ZNF487: variants seen among roughly 807,000 people sequenced by gnomAD.
ZNF487 encodes zinc finger protein 487.
Under a neutral mutation model 3.0 loss-of-function variants are expected in ZNF487, and 4 were observed. That is an observed-to-expected ratio of 1.35 (90% confidence interval 0.66 to 3.08). The LOEUF is 3.08. Among genes scored for constraint, ZNF487 ranks in the 30% most tolerant of loss-of-function variants. The pLI is 0.01. For synonymous variants in ZNF487, 55 were observed against 34.6 expected (o/e 1.59, Z -2.06); for missense variants, 146 against 98.7 (o/e 1.48, Z -2.03).
chr10:43,490,978 T>TC, the ZNF487 span, among the ~76,000 whole-genome samples: 2 of 71,016 alleles, frequency 2.8e-5, no homozygotes, highest in East Asian at 1.0e-3. Flanking sequence ...CTGGCCTTTT[T>TC]TTTTCTTTTT....
chr10:43,487,136 A>ATT (rs5784601), downstream of ZNF487, among the ~76,000 whole-genome samples: 8,104 of 120,600 alleles, frequency 0.067, 405 homozygotes, highest in East Asian at 0.22. Flanking sequence ...GTCACTAAGA[A>ATT]TTTTTTTTTT....
intron 1 of ZNF487, among the ~76,000 whole-genome samples, chr10:43,468,507 C>G (rs1840784990): frequency 6.6e-6 from 1 of 151,368 alleles, no homozygotes; most frequent in South Asian, 2.1e-4. Flanking sequence ...TGGAGAAACC[C>G]CGTCTCTACT....
At position 43,459,843 on chromosome 10, in the gene ZNF487, C is replaced by G. The variant is rs1840360520; in HGVS notation, c.-93-15878C>G. On this transcript the variant is annotated intron_variant, in intron 1 of 3. Coordinates refer to ENST00000437590, the MANE Select transcript of ZNF487 (RefSeq NM_001355444.3). The stretch of plus-strand genomic sequence containing the variant: ...CTGAGATGGAGTCTCGCTCTGTCGT[C>G]CAGGCTGGAGTGCAGTGGCTCAATC... Among the ~76,000 whole-genome samples the G allele has an allele frequency of 8.0e-5, 12 of 150,614 alleles. No homozygotes were observed. In the Admixed American group the frequency reaches 8.0e-4, roughly 10 times the overall value.
At chr10:43,477,898 A>G (rs938372804) in intron 3 of ZNF487, among the ~76,000 whole-genome samples, 1 of 151,904 alleles carries the variant, frequency 6.6e-6, no homozygotes, top group African/African-American at 2.4e-5. Context: ...TGGAGTGAGC[A>G]GAGATCGCAC....
chr10:43,470,291 T>C (rs2132121230), intron 1 of ZNF487, among the ~76,000 whole-genome samples: 1 of 151,390 alleles, frequency 6.6e-6, no homozygotes, highest in Non-Finnish European at 1.5e-5. Context: ...CGGCTCACTT[T>C]AGCCTTGAGC....
chr10:43,515,919 G>C, the ZNF487 span, among the ~76,000 whole-genome samples: 1 of 152,068 alleles, frequency 6.6e-6, no homozygotes. Flanking sequence ...GGACTACAGG[G>C]CGCACCACCA....
chr10:43,462,300 C>T (rs1022478319), intron 1 of ZNF487, among the ~76,000 whole-genome samples: 1 of 151,996 alleles, frequency 6.6e-6, no homozygotes, highest in African/African-American at 2.4e-5. Flanking sequence ...ACGTGGCTTT[C>T]TAGCCACGTA....
chr10:43,498,114 C>CTTTTTTTTTT, the ZNF487 span, among the ~76,000 whole-genome samples: 9 of 24,616 alleles, frequency 3.7e-4, no homozygotes, highest in Admixed American at 8.2e-4. Flanking sequence ...TTTTTTTTTT[C>CTTTTTTTTTT]TTTTTTTTTT....
downstream of ZNF487, among the ~76,000 whole-genome samples, chr10:43,484,521 T>C (rs1841453787): frequency 1.3e-5 from 2 of 151,954 alleles, no homozygotes; most frequent in African/African-American, 4.8e-5. Context: ...GCAGGAGAAC[T>C]GCTTGAACCT....
the ZNF487 span, among the ~76,000 whole-genome samples, chr10:43,514,230 T>A: frequency 6.6e-6 from 1 of 152,038 alleles, no homozygotes; most frequent in Non-Finnish European, 1.5e-5. Flanking sequence ...AACCTCCACT[T>A]CCTGGGTTCA....
intron 1 of ZNF487, among the ~76,000 whole-genome samples, chr10:43,463,238 A>G (rs1840498497): frequency 6.6e-6 from 1 of 150,878 alleles, no homozygotes; most frequent in African/African-American, 2.4e-5. Context: ...CCATCTCAAA[A>G]AAAAAAATTT....
the ZNF487 span, among the ~76,000 whole-genome samples, chr10:43,492,919 T>C: frequency 2.8e-4 from 42 of 152,318 alleles, no homozygotes; most frequent in African/African-American, 9.9e-4. Flanking sequence ...TTAGTCCTTA[T>C]GTTGTACATT....
the ZNF487 span, among the ~76,000 whole-genome samples, chr10:43,497,608 G>A: frequency 6.6e-6 from 1 of 152,160 alleles, no homozygotes. Context: ...GTTTGTTGAA[G>A]GTGTTCCCCA....
At chr10:43,488,108 A>C (rs548228207), downstream of ZNF487, among the ~76,000 whole-genome samples, 1 of 152,058 alleles carries the variant, frequency 6.6e-6, no homozygotes, top group Admixed American at 6.6e-5. Context: ...TCTCAAAAAA[A>C]AAAAGAATTT....
At chr10:43,465,059 A>ACCTC (rs1472412969) in intron 1 of ZNF487, among the ~76,000 whole-genome samples, 7 of 36,134 alleles carry the variant, frequency 1.9e-4, no homozygotes, top group Non-Finnish European at 4.0e-4. Context: ...GACCCCCCCC[A>ACCTC]CCTCCCTCCC....
downstream of ZNF487, among the ~76,000 whole-genome samples, chr10:43,487,913 C>T (rs893838762): frequency 9.7e-5 from 13 of 134,706 alleles, no homozygotes; most frequent in South Asian, 2.4e-3. Flanking sequence ...GGCAAAACTC[C>T]GCCTCTACCA....
At chr10:43,440,963 C>T (rs546681707) in intron 1 of ZNF487, among the ~76,000 whole-genome samples, 2 of 148,034 alleles carry the variant, frequency 1.4e-5, no homozygotes, top group Admixed American at 6.9e-5. Context: ...ATCTTCTTGG[C>T]TCCAGAAATC....
At chr10:43,485,066 C>G (rs1252102652), downstream of ZNF487, among the ~76,000 whole-genome samples, 1 of 152,210 alleles carries the variant, frequency 6.6e-6, no homozygotes, top group East Asian at 1.9e-4. Flanking sequence ...CCAGGAGCAG[C>G]AAGGCGGGCC....
chr10:43,487,929 CAAAAAAAAAAAAAA>C (rs76705594), downstream of ZNF487, among the ~76,000 whole-genome samples: 3 of 40,458 alleles, frequency 7.4e-5, no homozygotes, highest in African/African-American at 2.9e-4. Flanking sequence ...TACCAAAATA[CAAAAAAAAAAAAAA>C]AAAAAAAAAA....
Sources: gnomAD v4.1 joint callset for allele counts (sites outside exome capture counted in the v4.1 genomes callset) on GRCh38, gnomAD v4.1.1 for gene constraint, MANE v1.5 for transcripts, NCBI Gene and HGNC (gene_info 2026-07-23, HGNC 2026-07-21) for gene names.